ECHS1: variants seen among roughly 807,000 people sequenced by gnomAD.
The protein encoded by ECHS1 is enoyl-CoA hydratase, mitochondrial.
In ECHS1, 19 loss-of-function variants were observed where a neutral mutation model predicts 33.5. The ratio of observed to expected loss-of-function variants is 0.57; its 90% confidence interval spans 0.40 to 0.83. The LOEUF (loss-of-function observed/expected upper bound fraction) is 0.83, where lower values mean the gene tolerates loss of function less well. Among genes scored for constraint, ECHS1 ranks in the 40% least tolerant of loss-of-function variants. ECHS1 has a pLI of 0.00. For missense variants in ECHS1, 365 were observed against 381.3 expected (o/e 0.96, Z 0.36); for synonymous variants, 158 against 146.6 (o/e 1.08, Z -0.56).
chr10:133,367,325 T>C (rs568557620), intron 4 of ECHS1, among the ~76,000 whole-genome samples: 2 of 151,366 alleles, frequency 1.3e-5, no homozygotes, highest in African/African-American at 4.9e-5. Flanking sequence ...ATCATGGACA[T>C]TATCAATCAT....
At chr10:133,364,179 A>C (rs1849001233) in intron 7 of ECHS1, among the ~76,000 whole-genome samples, 1 of 152,128 alleles carries the variant, frequency 6.6e-6, no homozygotes, top group African/African-American at 2.4e-5. Flanking sequence ...TCCTGAGCTC[A>C]GGCAATCCAC....
chr10:133,364,584 AT>A (rs1849005396), intron 7 of ECHS1, 73 bp downstream of exon 7: 1 of 1,225,158 alleles, frequency 8.2e-7, no homozygotes, highest in South Asian at 1.2e-5. Flanking sequence ...TAATGATAAA[AT>A]TTAAAAGGAA....
chr10:133,372,144 C>T (rs924683016), intron 1 of ECHS1, among the ~76,000 whole-genome samples: 3 of 152,198 alleles, frequency 2.0e-5, no homozygotes, highest in Non-Finnish European at 2.9e-5. Flanking sequence ...AAGTGTCTGG[C>T]AGCAGTGCCC....
At chr10:133,372,647 C>T (rs1849124151) in intron 1 of ECHS1, among the ~76,000 whole-genome samples, 1 of 149,780 alleles carries the variant, frequency 6.7e-6, no homozygotes, top group Admixed American at 6.6e-5. Flanking sequence ...CAGGACGTGG[C>T]CTGGTGAGAG....
intron 4 of ECHS1, among the ~76,000 whole-genome samples, chr10:133,368,156 T>TC (rs1849057207): frequency 1.3e-5 from 2 of 151,970 alleles, no homozygotes; most frequent in African/African-American, 4.8e-5. Context: ...GACACTACAC[T>TC]CCCCCAACAC....
chr10:133,367,660 C>T, intron 4 of ECHS1, among the ~76,000 whole-genome samples: 1 of 151,856 alleles, frequency 6.6e-6, no homozygotes, highest in African/African-American at 2.4e-5. Context: ...TGCCCGCAGT[C>T]ATCCGGAGGC....
Position 133,369,078 on chromosome 10 carries a change from C to T in ECHS1, c.415-56G>A, listed in dbSNP as rs912376250. On this transcript the variant is annotated intron_variant, in intron 3 of 7. Transcript: ENST00000368547. ...ACCAGGGGAACCCAGTCAGAAATCACTCTGCTTGCTTATTCAAATTTTCCA... is the reference window on the plus strand; with the variant it reads ...ACCAGGGGAACCCAGTCAGAAATCATTCTGCTTGCTTATTCAAATTTTCCA... The T allele has an allele frequency of 2.0e-6, 3 of 1,528,788 alleles. No individual in the cohort carries two copies. In the African/African-American group the frequency reaches 4.1e-5, roughly 21 times the overall value. The allele number at this position is 1,528,788 out of a possible 1,614,324, so 94.7% of individuals were successfully genotyped here.
Position 133,373,268 on chromosome 10 carries a change from G to A in ECHS1, c.66C>T (p.Pro22=). 1.4e-6 allele frequency: 2 copies of A among 1,453,044 alleles called. No individual in the cohort carries two copies. Among genetic ancestry groups the A allele is most frequent in the South Asian group, 1.4e-5 (1 of 71,126 alleles). The allele number at this position is 1,453,044 out of a possible 1,614,324, so 90.0% of individuals were successfully genotyped here. A position where few individuals can be genotyped will look rare whatever the true frequency, so the allele number is the denominator to read the frequency against. ...CACCCGAGGCGAAGGGACGCCAGGC[G>A]GGACAGCGAACCGGGGGCCTCAGCG... ...RGPLRPPVRC[P]AWRPFASGAN... is the part of the protein sequence containing the mutation. Residue 22 remains proline, a synonymous_variant, in exon 1 of 8, where the codon CCC becomes CCT. Coordinates refer to ENST00000368547, the MANE Select transcript of ECHS1 (RefSeq NM_004092.4).
At chr10:133,364,086 A>T (rs1161018827) in intron 7 of ECHS1, among the ~76,000 whole-genome samples, 1 of 151,972 alleles carries the variant, frequency 6.6e-6, no homozygotes, top group African/African-American at 2.4e-5. Context: ...CTGGGATTAC[A>T]GGCACCTGCC....
intron 4 of ECHS1, among the ~76,000 whole-genome samples, chr10:133,367,452 G>A (rs1849048431): frequency 6.6e-6 from 1 of 151,612 alleles, no homozygotes; most frequent in Non-Finnish European, 1.5e-5. Context: ...TGTGAGAAGA[G>A]ACCTAGAAGG....
At position 133,373,311 on chromosome 10, in the gene ECHS1, A is replaced by AGCAGGACACGCAGGGCG. The variant is rs1849143689; in HGVS notation, c.6_22dup (p.Leu8ProfsTer14). 6.7e-7 allele frequency: 1 copy of AGCAGGACACGCAGGGCG among 1,503,492 alleles called. No individual in the cohort carries two copies. Among genetic ancestry groups the AGCAGGACACGCAGGGCG allele is most frequent in the Non-Finnish European group, 8.8e-7 (1 of 1,131,786 alleles). The allele number at this position is 1,503,492 out of a possible 1,614,324, so 93.1% of individuals were successfully genotyped here. ...CCTCAGCGGGCCGCGGACGCAGGAC[A>AGCAGGACACGCAGGGCG]GCAGGACACGCAGGGCGGCCATGGC... On this transcript the variant is annotated frameshift_variant, in exon 1 of 8. Coordinates refer to ENST00000368547, the MANE Select transcript of ECHS1 (RefSeq NM_004092.4). LOFTEE classifies it high-confidence loss of function.
chr10:133,370,477 C>T, intron 2 of ECHS1, 83 bp downstream of exon 2: 1 of 1,379,478 alleles, frequency 7.2e-7, no homozygotes, highest in South Asian at 1.6e-5. Context: ...CACAGAGGCG[C>T]AAATCTGTCT....
intron 1 of ECHS1, among the ~76,000 whole-genome samples, chr10:133,371,167 C>T (rs796488650): frequency 7.2e-5 from 11 of 152,104 alleles, no homozygotes; most frequent in African/African-American, 2.6e-4. Flanking sequence ...GTCCCAGCTA[C>T]TGGGGAGGCT....
chr10:133,366,656 TC>T (rs1849035533), intron 5 of ECHS1, among the ~76,000 whole-genome samples: 1 of 151,126 alleles, frequency 6.6e-6, no homozygotes, highest in African/African-American at 2.4e-5. Context: ...TCTGTGGGGC[TC>T]CCCCATGGGG....
At chr10:133,372,684 G>T (rs538323750) in intron 1 of ECHS1, among the ~76,000 whole-genome samples, 1 of 149,584 alleles carries the variant, frequency 6.7e-6, no homozygotes, top group Admixed American at 6.6e-5. Flanking sequence ...CAGGCAGGGG[G>T]TGGGGGTGCG....
At chr10:133,370,401 C>T (rs1589882800) in intron 2 of ECHS1, among the ~76,000 whole-genome samples, 159 bp downstream of exon 2, 1 of 152,240 alleles carries the variant, frequency 6.6e-6, no homozygotes, top group Admixed American at 6.5e-5. Flanking sequence ...GCTGCTCATG[C>T]AAGCCGTTCC....
At position 133,362,846 on chromosome 10, in the gene ECHS1, G is replaced by GT. The variant is rs1314158855; in HGVS notation, c.*21dup. The GT allele has an allele frequency of 1.2e-6, 2 of 1,613,586 alleles. No homozygotes were observed. Among genetic ancestry groups the GT allele is most frequent in the Non-Finnish European group, 1.7e-6 (2 of 1,179,492 alleles). ...GCACTTGTCCTCTCCAAGCAGAGGT[G>GT]TGAAGCAGGGGCAGCTGGTTCTCAC... On this transcript the variant is annotated 3_prime_UTR_variant, in exon 8 of 8. Coordinates refer to ENST00000368547, the MANE Select transcript of ECHS1 (RefSeq NM_004092.4).
chr10:133,365,329 C>A (rs1021242682), intron 6 of ECHS1, among the ~76,000 whole-genome samples: 1 of 152,236 alleles, frequency 6.6e-6, no homozygotes, highest in African/African-American at 2.4e-5. Flanking sequence ...CTCAAGCCAA[C>A]GGCAAGCCCG....
chr10:133,371,113 C>T (rs970673986), intron 1 of ECHS1, among the ~76,000 whole-genome samples: 6 of 152,078 alleles, frequency 3.9e-5, no homozygotes, highest in African/African-American at 1.4e-4. Context: ...CCGTCTCTAC[C>T]TAAAATACAA....
Sources: gnomAD v4.1 joint callset for allele counts (sites outside exome capture counted in the v4.1 genomes callset) on GRCh38, gnomAD v4.1.1 for gene constraint, MANE v1.5 for transcripts, NCBI Gene and HGNC (gene_info 2026-07-23, HGNC 2026-07-21) for gene names.